The following EFCAB5 variants were observed in gnomAD, a reference collection of about 807,000 sequenced individuals.
EFCAB5 encodes the protein EF-hand calcium-binding domain-containing protein 5.
In EFCAB5, 131 loss-of-function variants were observed where a neutral mutation model predicts 167.9. The ratio of observed to expected loss-of-function variants is 0.78; its 90% confidence interval spans 0.68 to 0.90. The LOEUF (loss-of-function observed/expected upper bound fraction) is 0.90, where lower values mean the gene tolerates loss of function less well. Ranked by LOEUF, EFCAB5 falls within the 40% of genes least tolerant of loss-of-function variation. The pLI is 0.00. For synonymous variants in EFCAB5, 574 were observed against 602.8 expected (o/e 0.95, Z 0.70); for missense variants, 1,663 against 1,745.2 (o/e 0.95, Z 0.84).
At chr17:30,082,682 G>A (rs750280581) in intron 17 of EFCAB5, among the ~76,000 whole-genome samples, 5 of 152,086 alleles carry the variant, frequency 3.3e-5, no homozygotes, top group Non-Finnish European at 5.9e-5. Flanking sequence ...ATGAGCCATG[G>A]CACCTGGCCT....
At chr17:30,039,905 C>T (rs1388749475) in intron 8 of EFCAB5, among the ~76,000 whole-genome samples, 2 of 152,314 alleles carry the variant, frequency 1.3e-5, no homozygotes, top group Middle Eastern at 3.4e-3. Flanking sequence ...AGCCACACCT[C>T]ACCTCATGCC....
intron 4 of EFCAB5, among the ~76,000 whole-genome samples, chr17:29,989,068 C>A (rs1467247042): frequency 6.6e-6 from 1 of 152,136 alleles, no homozygotes. Flanking sequence ...GGTAGGAATG[C>A]CTAGAGCAGG....
intron 8 of EFCAB5, among the ~76,000 whole-genome samples, chr17:30,049,261 C>A (rs1350208203): frequency 6.6e-6 from 1 of 152,064 alleles, no homozygotes. Context: ...GTGGGCGGAT[C>A]ACGAGGTCAA....
chr17:29,968,707 A>C (rs1320604690), intron 3 of EFCAB5, 84 bp from the exon 4 acceptor site: 10 of 1,169,392 alleles, frequency 8.6e-6, no homozygotes, highest in African/African-American at 4.7e-5. Flanking sequence ...TGGATATAAA[A>C]ATTTTTTCAA....
rs565824260 is a variant in EFCAB5 at position 30,023,215 on chromosome 17, C to A, written c.1045-11015C>A. Among the ~76,000 whole-genome samples the A allele has an allele frequency of 4.3e-4, 66 of 152,034 alleles. No individual in the cohort carries two copies. The East Asian group carries it at 0.01, about 24-fold the overall frequency. Reference sequence around the variant, plus strand: ...CTGAAGGAAATAGAGACAAAAAAAACCCTTCAAAAAATTAATGAATCCAGG... The same window carrying A: ...CTGAAGGAAATAGAGACAAAAAAAAACCTTCAAAAAATTAATGAATCCAGG... On this transcript the variant is annotated intron_variant, in intron 7 of 22. Transcript: ENST00000394835.
intron 6 of EFCAB5, among the ~76,000 whole-genome samples, chr17:29,996,803 T>C (rs1224832942): frequency 2.6e-5 from 4 of 152,202 alleles, no homozygotes; most frequent in Non-Finnish European, 2.9e-5. Flanking sequence ...TCCTTGACTC[T>C]ACCCAGTCTT....
At position 30,029,477 on chromosome 17, in the gene EFCAB5, C is replaced by T. The variant is rs145870524; in HGVS notation, c.1045-4753C>T. On this transcript the variant is annotated intron_variant, in intron 7 of 22. Transcript: ENST00000394835. ...GTACTTCAAAGTACTGAATGCATAT[C>T]ACTTTTGTGTCATCATAAAGTGGAA... Among the ~76,000 whole-genome samples the T allele has an allele frequency of 8.2e-3, 1,250 of 152,044 alleles. 11 individuals carry two copies. The highest frequency in any genetic ancestry group is 0.025 in the African/African-American group (1,044 of 41,470).
At chr17:30,088,745 G>A (rs1184008994) in intron 19 of EFCAB5, among the ~76,000 whole-genome samples, 2 of 152,148 alleles carry the variant, frequency 1.3e-5, no homozygotes, top group Admixed American at 6.5e-5. Flanking sequence ...TTGAGTAGGC[G>A]GTAACTCAGT....
intron 4 of EFCAB5, among the ~76,000 whole-genome samples, chr17:29,976,061 T>C (rs1220914564): frequency 6.6e-6 from 1 of 152,194 alleles, no homozygotes. Context: ...TGCAATAAAT[T>C]AGACTGTATT....
At chr17:30,080,603 C>G in intron 16 of EFCAB5, 150 bp from the exon 17 acceptor site, 1 of 592,992 alleles carries the variant, frequency 1.7e-6, no homozygotes, top group Non-Finnish European at 2.9e-6. Flanking sequence ...TTTCTCAAGT[C>G]AGACCTCCAA....
intron 1 of EFCAB5, among the ~76,000 whole-genome samples, chr17:29,932,572 C>G (rs1176495990): frequency 6.7e-6 from 1 of 149,558 alleles, no homozygotes; most frequent in Non-Finnish European, 1.5e-5. Flanking sequence ...TCTCCTGTCT[C>G]AGCCTCCTGA....
rs556287317 is a variant in EFCAB5, at chr17:30,041,160, T to C, written c.1200+6775T>C. Among the ~76,000 whole-genome samples, 25 of 148,800 alleles carry C rather than the reference T, an allele frequency of 1.7e-4. No homozygotes were observed. In the East Asian group the frequency reaches 2.7e-3, roughly 16 times the overall value. On this transcript the variant is annotated intron_variant, in intron 8 of 22. Transcript: ENST00000394835. ...GCACCCTTTCTGCAGAAAGTAAAGA[T>C]TGCCTTACTGACAGATCGAAAGAAA...
intron 7 of EFCAB5, among the ~76,000 whole-genome samples, chr17:30,032,959 G>A (rs1268082111): frequency 6.6e-6 from 1 of 152,136 alleles, no homozygotes; most frequent in East Asian, 1.9e-4. Flanking sequence ...AATCTGAATG[G>A]CCTTAAGTGT....
chr17:30,034,173 A>G (rs531827393), intron 7 of EFCAB5, 57 bp from the exon 8 acceptor site: 1 of 1,574,166 alleles, frequency 6.4e-7, no homozygotes, highest in Non-Finnish European at 8.6e-7. Flanking sequence ...CCTGGGGAAA[A>G]TCCAAGTAGA....
chr17:30,102,059 T>C (rs2071389480), intron 22 of EFCAB5, among the ~76,000 whole-genome samples: 1 of 152,170 alleles, frequency 6.6e-6, no homozygotes, highest in Non-Finnish European at 1.5e-5. Context: ...AGGGAGGAAT[T>C]GGCTTAAGAC....
At chr17:30,087,922 C>T (rs73623800) in intron 19 of EFCAB5, among the ~76,000 whole-genome samples, 2,511 of 152,274 alleles carry the variant, frequency 0.016, 56 homozygotes, top group African/African-American at 0.054. Flanking sequence ...AGTGTAAAAG[C>T]GTTCCTACTT....
At chr17:29,992,170 C>T (rs926691669) in intron 4 of EFCAB5, among the ~76,000 whole-genome samples, 14 of 152,140 alleles carry the variant, frequency 9.2e-5, no homozygotes, top group Non-Finnish European at 1.8e-4. Context: ...CACCATTCTA[C>T]TCTCTGCTTC....
intron 3 of EFCAB5, chr17:29,968,487 A>G (rs1462063235): frequency 2.8e-6 from 1 of 356,172 alleles, no homozygotes; most frequent in East Asian, 7.3e-5. Context: ...TGAGGAAGTG[A>G]TGGCTGGAGC....
chr17:30,079,927 T>C, intron 15 of EFCAB5, 145 bp from the exon 16 acceptor site: 1 of 919,328 alleles, frequency 1.1e-6, no homozygotes, highest in South Asian at 2.2e-5. Flanking sequence ...TTTTCCCCAC[T>C]GCCCATGAAT....
Sources: allele counts gnomAD v4.1 joint callset (sites outside exome capture counted in the v4.1 genomes callset), GRCh38; gene constraint gnomAD v4.1.1; transcripts MANE v1.5; gene names NCBI Gene and HGNC (gene_info 2026-07-23, HGNC 2026-07-21).